Variants in SESN1 observed in about 807,000 individuals in gnomAD.
SESN1 encodes sestrin-1.
SESN1 carries 30 observed loss-of-function variants against 59.3 expected under a neutral mutation model. That is an observed-to-expected ratio of 0.51 (90% CI 0.38 to 0.69). The LOEUF (loss-of-function observed/expected upper bound fraction) is 0.69. Among genes scored for constraint, SESN1 ranks in the 30% least tolerant of loss-of-function variants. SESN1 has a pLI of 0.00. For synonymous variants in SESN1, 197 were observed against 219.9 expected, an observed-to-expected ratio of 0.90 and a Z score of 0.92; for missense variants, 566 against 673.0, an observed-to-expected ratio of 0.84 and a Z score of 1.76.
chr6:109,004,970 G>C (rs184846374), intron 1 of SESN1, among the ~76,000 whole-genome samples: 9 of 152,252 alleles, frequency 5.9e-5, no homozygotes, highest in Admixed American at 3.9e-4. Context: ...TGAGAAAAAA[G>C]AGTATAGAGA....
At chr6:109,003,160 T>G (rs1239420093) in intron 1 of SESN1, among the ~76,000 whole-genome samples, 4 of 151,982 alleles carry the variant, frequency 2.6e-5, no homozygotes, top group Non-Finnish European at 5.9e-5. Context: ...TAAAATAATA[T>G]ATTTCAACTT....
intron 1 of SESN1, among the ~76,000 whole-genome samples, chr6:109,091,643 T>C (rs1781319661): frequency 6.6e-6 from 1 of 152,252 alleles, no homozygotes; most frequent in African/African-American, 2.4e-5. Flanking sequence ...TCTGCTTAAA[T>C]GTCATTGCCT....
intron 1 of SESN1, among the ~76,000 whole-genome samples, chr6:109,058,758 C>T (rs1458655854): frequency 2.0e-5 from 3 of 151,194 alleles, no homozygotes; most frequent in African/African-American, 2.4e-5. Flanking sequence ...CAGGAAATCC[C>T]GATCCACACT....
chr6:109,059,836 T>C (rs900329094), intron 1 of SESN1, among the ~76,000 whole-genome samples: 10 of 152,240 alleles, frequency 6.6e-5, no homozygotes, highest in Admixed American at 1.3e-4. Context: ...AAGTTACTTA[T>C]GATAATATTC....
intron 1 of SESN1, among the ~76,000 whole-genome samples, chr6:109,041,327 A>G (rs1443163388): frequency 6.6e-6 from 1 of 152,090 alleles, no homozygotes; most frequent in Non-Finnish European, 1.5e-5. Context: ...AATAATTTAA[A>G]AAAATAAAAT....
Position 108,987,647 on chromosome 6 carries a change from ACAT to A in SESN1, c.1570-20_1570-18del. 7.3e-7 allele frequency: 1 copy of A among 1,362,030 alleles called. No homozygotes were observed. The highest frequency in any genetic ancestry group is 2.3e-5 in the East Asian group (1 of 43,762). 84.4% of individuals were successfully genotyped at this position (1,362,030 alleles called of 1,614,324 possible). The stretch of plus-strand genomic sequence containing the variant: ...AACATGAACCTGAATATAAAATACA[ACAT>A]CATATAAGGAAGGGTTACAAGCATT... On this transcript the variant is annotated intron_variant, in intron 9 of 9. Transcript: ENST00000436639.
In SESN1 at chr6:108,994,448, A is replaced by G; in HGVS notation, c.1120+14T>C. On this transcript the variant is annotated intron_variant, in intron 6 of 9. Coordinates refer to ENST00000436639, the MANE Select transcript of SESN1 (RefSeq NM_014454.3). ...TTGCAATAATTATATTGACTATATA[A>G]TGGTTGTTCTTACCTGAAGAGAAGA... is the stretch of plus-strand genomic sequence containing the variant. 1 of 1,602,236 alleles carries G rather than the reference A, an allele frequency of 6.2e-7. No individual in the cohort carries two copies. The highest frequency in any genetic ancestry group is 8.5e-7 in the Non-Finnish European group (1 of 1,173,440).
intron 1 of SESN1, among the ~76,000 whole-genome samples, chr6:109,043,841 T>C (rs995577194): frequency 6.6e-6 from 1 of 152,290 alleles, no homozygotes; most frequent in East Asian, 1.9e-4. Context: ...ACAAACTGAT[T>C]CAAAATTTTA....
At chr6:109,028,228 T>C (rs1780126122) in intron 1 of SESN1, among the ~76,000 whole-genome samples, 1 of 152,234 alleles carries the variant, frequency 6.6e-6, no homozygotes, top group African/African-American at 2.4e-5. Flanking sequence ...TATTTGAAAA[T>C]AAATCTTCTC....
At chr6:109,078,776 T>TA (rs1296604322) in intron 1 of SESN1, among the ~76,000 whole-genome samples, 1 of 152,182 alleles carries the variant, frequency 6.6e-6, no homozygotes, top group Admixed American at 6.5e-5. Context: ...ACCTTATCTT[T>TA]AAAAAGCATA....
At chr6:108,992,562 A>G (rs529415592) in intron 7 of SESN1, among the ~76,000 whole-genome samples, 2 of 152,362 alleles carry the variant, frequency 1.3e-5, no homozygotes, top group African/African-American at 4.8e-5. Flanking sequence ...ATACTTACAT[A>G]TTTAAATATT....
chr6:109,026,531 T>A (rs1436174264), intron 1 of SESN1, among the ~76,000 whole-genome samples: 1 of 152,042 alleles, frequency 6.6e-6, no homozygotes, highest in Non-Finnish European at 1.5e-5. Context: ...GGAGTCTCGC[T>A]CTGTCGCCAG....
chr6:108,991,356 C>G (rs542288253), intron 7 of SESN1, among the ~76,000 whole-genome samples: 1 of 152,170 alleles, frequency 6.6e-6, no homozygotes. Context: ...ATCCTCCCTG[C>G]CTCAGCCTCC....
chr6:109,092,289 G>A (rs1022586533), intron 1 of SESN1, among the ~76,000 whole-genome samples: 1 of 152,176 alleles, frequency 6.6e-6, no homozygotes, highest in Non-Finnish European at 1.5e-5. Flanking sequence ...AGCTAAGAAA[G>A]GTCAAGGAAT....
chr6:109,003,100 T>A lies in SESN1; in HGVS notation c.280-757A>T, dbSNP rs116745985. 2.4e-3 allele frequency among the ~76,000 whole-genome samples: 360 copies of A among 152,164 alleles called. 2 individuals are homozygous for A. The highest frequency in any genetic ancestry group is 8.3e-3 in the African/African-American group (346 of 41,524). ...CAAGAACTGAAAATCTGTTAGGGTT[T>A]CCTTTCCCTCCCTCACCCTCCCCAT... On this transcript the variant is annotated intron_variant, in intron 1 of 9. Coordinates refer to ENST00000436639, the MANE Select transcript of SESN1 (RefSeq NM_014454.3).
intron 1 of SESN1, among the ~76,000 whole-genome samples, chr6:109,055,825 GTAC>G (rs925884151): frequency 2.6e-5 from 4 of 152,022 alleles, no homozygotes; most frequent in African/African-American, 9.7e-5. Flanking sequence ...TGTAAGATCT[GTAC>G]TCATTGTCCG....
intron 1 of SESN1, among the ~76,000 whole-genome samples, chr6:109,024,177 A>G (rs768608146): frequency 2.0e-4 from 30 of 152,230 alleles, no homozygotes; most frequent in Non-Finnish European, 3.8e-4. Flanking sequence ...TATGTACTGT[A>G]TTCAGTGGAA....
chr6:109,076,831 T>C (rs750569278), intron 1 of SESN1, among the ~76,000 whole-genome samples: 1 of 152,228 alleles, frequency 6.6e-6, no homozygotes. Context: ...TCCTGATCTT[T>C]CCTTGCTCTG....
At chr6:109,038,787 G>T (rs1295157242) in intron 1 of SESN1, among the ~76,000 whole-genome samples, 2 of 152,066 alleles carry the variant, frequency 1.3e-5, no homozygotes, top group African/African-American at 4.8e-5. Context: ...CTCCATTGTA[G>T]GGATCAGCTA....
Sources: allele counts gnomAD v4.1 joint callset (sites outside exome capture counted in the v4.1 genomes callset), GRCh38; gene constraint gnomAD v4.1.1; transcripts MANE v1.5; gene names NCBI Gene and HGNC (gene_info 2026-07-23, HGNC 2026-07-21).